The following BMF variants were observed in gnomAD, a reference collection of about 807,000 sequenced individuals.
BMF encodes bcl-2-modifying factor.
Under a neutral mutation model 22.0 loss-of-function variants are expected in BMF, and 10 were observed. The observed-to-expected ratio is 0.45, with a 90% CI of 0.28 to 0.77. The LOEUF (loss-of-function observed/expected upper bound fraction) is 0.77. BMF is among the 30% of genes least tolerant of loss of function. The pLI is 0.13. For missense variants in BMF, 206 were observed against 226.8 expected (o/e 0.91, Z 0.59); for synonymous variants, 87 against 88.1 (o/e 0.99, Z 0.07).
rs768971131 is a variant in BMF, at chr15:40,106,194, A to G, written c.-5-103T>C. ...CTACCATACTCCCCCTTCTTATTTG[A>G]GCTGGCCGGACCACATACTGATGAC... On this transcript the variant is annotated intron_variant, in intron 2 of 4. Coordinates refer to ENST00000354670, the MANE Select transcript of BMF (RefSeq NM_001003940.2). This position sits in a 1 kb window ranked among gnomAD's most constrained non-coding sequence, Gnocchi z 4.1. 653 of 1,327,282 alleles carry G rather than the reference A, an allele frequency of 4.9e-4. 1 individual carries two copies. Among genetic ancestry groups the G allele is most frequent in the Non-Finnish European group, 6.2e-4 (614 of 992,974 alleles). The allele number at this position is 1,327,282 out of a possible 1,614,324, so 82.2% of individuals were successfully genotyped here. A position where few individuals can be genotyped will look rare whatever the true frequency, so the allele number is the denominator to read the frequency against.
intron 4 of BMF, among the ~76,000 whole-genome samples, chr15:40,093,112 T>G (rs1223743416): frequency 6.6e-6 from 1 of 152,212 alleles, no homozygotes; most frequent in Non-Finnish European, 1.5e-5. Flanking sequence ...CCAGGTTGCC[T>G]GGACTCCCAG....
chr15:40,096,807 G>A (rs1023993558), intron 4 of BMF, among the ~76,000 whole-genome samples: 4 of 152,206 alleles, frequency 2.6e-5, no homozygotes, highest in African/African-American at 7.2e-5. Context: ...TAGTAAGGAC[G>A]CTGTGGACCA....
intron 4 of BMF, 60 bp downstream of exon 4, chr15:40,104,120 A>G: frequency 6.3e-7 from 1 of 1,595,444 alleles, no homozygotes; most frequent in Non-Finnish European, 8.6e-7. Flanking sequence ...GGAGAGAGGC[A>G]GGCCCTGGCC....
At chr15:40,095,184 G>A (rs1349630829) in intron 4 of BMF, among the ~76,000 whole-genome samples, 4 of 152,324 alleles carry the variant, frequency 2.6e-5, no homozygotes, top group South Asian at 4.1e-4. Context: ...GCCTTCTCCC[G>A]CCTCAGGGCA....
rs574261332 is a variant in BMF at position 40,108,403 on chromosome 15, C to A, written c.-133-17G>T. 3 of 152,798 alleles carry A rather than the reference C, an allele frequency of 2.0e-5. No homozygotes were observed. Among genetic ancestry groups the A allele is most frequent in the Non-Finnish European group, 4.4e-5 (3 of 68,164 alleles). The allele number at this position is 152,798 out of a possible 1,614,324, so 9.5% of individuals were successfully genotyped here. On this transcript the variant is annotated splice_polypyrimidine_tract_variant and intron_variant, in intron 1 of 4. Coordinates refer to ENST00000354670, the MANE Select transcript of BMF (RefSeq NM_001003940.2). ...AAAGCCCAGCTGTTAAGGAGAGGAG[C>A]CTTCAGACTCCGCAGAGAGGCAGGA...
rs2036539387 is a variant in BMF, at chr15:40,104,275, G to A, written c.358C>T (p.Pro120Ser). The A allele has an allele frequency of 3.1e-6, 5 of 1,614,196 alleles. No homozygotes were observed. Among genetic ancestry groups the A allele is most frequent in the African/African-American group, 1.3e-5 (1 of 75,048 alleles). Residue 120 changes from proline to serine, a missense_variant, in exon 4 of 5, where the codon CCC becomes TCC. Coordinates refer to ENST00000354670, the MANE Select transcript of BMF (RefSeq NM_001003940.2). ...FPAVLPIGEQ[P>S]PEGQWQHQAE... ...TGATGTTGCCACTGCCCTTCGGGGG[G>A]CTGCTCCCCAATGGGCAAGACTGCT...
intron 4 of BMF, among the ~76,000 whole-genome samples, chr15:40,092,566 T>A (rs1350622385): frequency 3.3e-5 from 5 of 152,264 alleles, no homozygotes; most frequent in East Asian, 3.9e-4. Context: ...CCATAAATAA[T>A]CCCTCTTGGA....
Position 40,089,485 on chromosome 15 carries a change from T to C in BMF, c.*2302A>G, listed in dbSNP as rs1056638433. 1.3e-5 allele frequency: 2 copies of C among 152,198 alleles called. No individual in the cohort carries two copies. The highest frequency in any genetic ancestry group is 4.8e-5 in the African/African-American group (2 of 41,430). The allele number at this position is 152,198 out of a possible 1,614,324, so 9.4% of individuals were successfully genotyped here. A position where few individuals can be genotyped will look rare whatever the true frequency, so the allele number is the denominator to read the frequency against. On this transcript the variant is annotated 3_prime_UTR_variant, in exon 5 of 5. Coordinates refer to ENST00000354670, the MANE Select transcript of BMF (RefSeq NM_001003940.2). ...CTGGCTTTGCATAAGATGGAGACAG[T>C]GCAGTCAGACCACCTTCCACCTGCC...
At position 40,104,326 on chromosome 15, in the gene BMF, G is replaced by A. The variant is rs754316143; in HGVS notation, c.307C>T (p.Arg103Trp). ...GGGAAACTGGCAGGGAGAGGAAGCCGATAGCCAGCATTGCCTGCAAAGATA... is the reference window on the plus strand; with the variant it reads ...GGGAAACTGGCAGGGAGAGGAAGCCAATAGCCAGCATTGCCTGCAAAGATA... ...QRLFYGNAGY[R>W]LPLPASFPAV... The change falls in exon 4 of 5, where the codon CGG (arginine) becomes TGG (tryptophan). Residue 103 changes from arginine (R) to tryptophan (W), a missense_variant. By Grantham distance (101) the Arg-to-Trp change is moderately radical. Coordinates refer to ENST00000354670, the MANE Select transcript of BMF (RefSeq NM_001003940.2). 1.3e-5 allele frequency: 21 copies of A among 1,614,048 alleles called. No homozygotes were observed. The East Asian group carries it at 1.3e-4, about 10-fold the overall frequency.
chr15:40,102,321 C>T (rs1471353602), intron 4 of BMF, among the ~76,000 whole-genome samples: 3 of 147,722 alleles, frequency 2.0e-5, no homozygotes, highest in Non-Finnish European at 4.5e-5. Context: ...CCCAGCTACT[C>T]GGGAGGCTGA....
chr15:40,107,249 A>G (rs1007078879), intron 2 of BMF, among the ~76,000 whole-genome samples: 3 of 152,250 alleles, frequency 2.0e-5, no homozygotes, highest in African/African-American at 2.4e-5. Flanking sequence ...GTCAGACTCA[A>G]TTAGAGATTC....
At chr15:40,103,040 G>C (rs1204749630) in intron 4 of BMF, among the ~76,000 whole-genome samples, 4 of 152,188 alleles carry the variant, frequency 2.6e-5, no homozygotes, top group African/African-American at 7.2e-5. Context: ...GCAATGTCCT[G>C]TTCTTAGGAA....
rs560601975 is a variant in BMF, at chr15:40,092,475, A to C, written c.454-587T>G. ...GACTCACACACACACACACACACAC[A>C]CCCTTGTGCGCCCGCCCGCTCTCCC... On this transcript the variant is annotated intron_variant, in intron 4 of 4. Coordinates refer to ENST00000354670, the MANE Select transcript of BMF (RefSeq NM_001003940.2). Among the ~76,000 whole-genome samples the C allele has an allele frequency of 6.1e-4, 92 of 151,088 alleles. 1 individual carries two copies. The highest frequency in any genetic ancestry group is 1.9e-3 in the African/African-American group (79 of 41,084).
chr15:40,097,507 G>A (rs1197653320), intron 4 of BMF, among the ~76,000 whole-genome samples: 3 of 152,232 alleles, frequency 2.0e-5, no homozygotes, highest in Non-Finnish European at 2.9e-5. Flanking sequence ...TTTCCGGAAT[G>A]TGATTGCTGG....
At chr15:40,105,608 T>G (rs981741711) in intron 3 of BMF, among the ~76,000 whole-genome samples, 187 bp downstream of exon 3, 1 of 152,116 alleles carries the variant, frequency 6.6e-6, no homozygotes, top group Non-Finnish European at 1.5e-5. Flanking sequence ...CAATTTGCCC[T>G]TTGGGGGGTC....
In BMF at chr15:40,091,507, C is replaced by G. The variant is rs1313872342; in HGVS notation, c.*280G>C. 2.9e-6 allele frequency: 1 copy of G among 341,504 alleles called. No homozygotes were observed. The highest frequency in any genetic ancestry group is 5.3e-6 in the Non-Finnish European group (1 of 187,390). 21.2% of individuals were successfully genotyped at this position (341,504 alleles called of 1,614,324 possible). A position where few individuals can be genotyped will look rare whatever the true frequency, so the allele number is the denominator to read the frequency against. ...CTGGTAGATTCCTCAGTCGAAGAAT[C>G]TACTTGTCAGAGCCCTTGGGAATTC... On this transcript the variant is annotated 3_prime_UTR_variant, in exon 5 of 5. Transcript: ENST00000354670.
chr15:40,099,780 CAAAAAA>C (rs747996690), intron 4 of BMF, among the ~76,000 whole-genome samples: 6 of 64,430 alleles, frequency 9.3e-5, no homozygotes, highest in Non-Finnish European at 1.7e-4. Context: ...GCTGTCTCAC[CAAAAAA>C]AAAAAAAAAA....
chr15:40,095,726 T>C (rs1017213809), intron 4 of BMF, among the ~76,000 whole-genome samples: 9 of 152,098 alleles, frequency 5.9e-5, no homozygotes, highest in African/African-American at 2.2e-4. Flanking sequence ...GGCCAAGGAA[T>C]GGAGGGAATG....
At chr15:40,099,793 A>AG (rs1331123447) in intron 4 of BMF, among the ~76,000 whole-genome samples, 1 of 151,632 alleles carries the variant, frequency 6.6e-6, no homozygotes, top group East Asian at 1.9e-4. Flanking sequence ...AAAAAAAAAA[A>AG]AAAAAAAAAG....
Sources: allele counts gnomAD v4.1 joint callset (sites outside exome capture counted in the v4.1 genomes callset), GRCh38; gene constraint gnomAD v4.1.1; non-coding constraint Gnocchi (gnomAD v3.1); transcripts MANE v1.5; gene names NCBI Gene and HGNC (gene_info 2026-07-23, HGNC 2026-07-21).